Variants in CUBN observed in about 807,000 individuals in gnomAD.
CUBN encodes the protein cubilin.
In CUBN, 282 loss-of-function variants were observed where a neutral mutation model predicts 405.3. That is an observed-to-expected ratio of 0.70 (90% CI 0.63 to 0.77). CUBN has a LOEUF of 0.77. Ranked by LOEUF, CUBN falls within the 30% of genes least tolerant of loss-of-function variation. The pLI is 0.00. For missense variants in CUBN, 4,514 were observed against 4,475.2 expected (o/e 1.01, Z -0.25); for synonymous variants, 1,684 against 1,617.0 (o/e 1.04, Z -0.99).
At chr10:17,027,676 C>T (rs923069568) in intron 27 of CUBN, among the ~76,000 whole-genome samples, 6 of 152,160 alleles carry the variant, frequency 3.9e-5, no homozygotes, top group South Asian at 2.1e-4. Flanking sequence ...CCCTTTTAGA[C>T]TGTCAAATAA....
chr10:16,948,956 G>A (rs1345419049), intron 34 of CUBN, among the ~76,000 whole-genome samples: 1 of 152,144 alleles, frequency 6.6e-6, no homozygotes, highest in Non-Finnish European at 1.5e-5. Context: ...TTGTAGCACA[G>A]AAAAGTGTGG....
At chr10:16,909,435 T>C (rs1257265246) in intron 48 of CUBN, among the ~76,000 whole-genome samples, 1 of 152,174 alleles carries the variant, frequency 6.6e-6, no homozygotes. Flanking sequence ...GATGATGTAA[T>C]AATAGAACTG....
chr10:16,840,425 G>A lies in CUBN; in HGVS notation c.9937C>T (p.Pro3313Ser). The A allele has an allele frequency of 6.2e-7, 1 of 1,614,108 alleles. No individual in the cohort carries two copies. ...FSICTWVIDS[P>S]PHQQVKITVW... ...GTTATCTTGACCTGCTGATGCGGAGGGGAATCAATGACCCAAGTACAGATG... is the reference window on the plus strand; with the variant it reads ...GTTATCTTGACCTGCTGATGCGGAGAGGAATCAATGACCCAAGTACAGATG... The change falls in exon 62 of 67, where the codon CCT (proline) becomes TCT (serine). Residue 3313 changes from proline to serine, a missense_variant. Physicochemically the swap from Pro to Ser is moderately conservative, Grantham distance 74. This residue lies in a region of CUBN where 1,186 missense variants were observed against 1,186.9 expected (regional missense o/e 1.00). Transcript: ENST00000377833.
chr10:17,064,519 G>C (rs558409212), intron 22 of CUBN, among the ~76,000 whole-genome samples: 2 of 152,162 alleles, frequency 1.3e-5, no homozygotes, highest in African/African-American at 4.8e-5. Context: ...TGCTGCTGGG[G>C]TAATCCCAAA....
chr10:16,875,494 C>T lies in CUBN; in HGVS notation c.9107-991G>A, dbSNP rs565402370. ...AACAAATTGAGGCTGCCATGTCAGG[C>T]TCTTTATTTCTTTACTGTTTTTGCC... is the stretch of plus-strand genomic sequence containing the variant. On this transcript the variant is annotated intron_variant, in intron 57 of 66. Coordinates refer to ENST00000377833, the MANE Select transcript of CUBN (RefSeq NM_001081.4). Among the ~76,000 whole-genome samples, 16 of 152,274 alleles carry T rather than the reference C, an allele frequency of 1.1e-4. No homozygotes were observed. In the South Asian group the frequency reaches 2.7e-3, roughly 26 times the overall value.
chr10:16,997,131 A>G (rs1336359510), intron 28 of CUBN, among the ~76,000 whole-genome samples: 1 of 152,178 alleles, frequency 6.6e-6, no homozygotes, highest in African/African-American at 2.4e-5. Flanking sequence ...GTTTGCCTTC[A>G]TTGTGTAAAA....
At chr10:17,121,492 A>G (rs1464918183) in intron 6 of CUBN, among the ~76,000 whole-genome samples, 1 of 142,130 alleles carries the variant, frequency 7.0e-6, no homozygotes. Context: ...TGGGAACTGA[A>G]CAATGAGAAC....
At chr10:17,023,098 T>C (rs1488615582) in intron 27 of CUBN, among the ~76,000 whole-genome samples, 2 of 149,250 alleles carry the variant, frequency 1.3e-5, no homozygotes, top group African/African-American at 5.1e-5. Context: ...TAAAGAGATT[T>C]CTTTTTTTTC....
intron 29 of CUBN, among the ~76,000 whole-genome samples, chr10:16,989,590 T>TAC (rs1554806193): frequency 0.38 from 56,128 of 147,128 alleles, 11,105 homozygotes; most frequent in African/African-American, 0.42. Flanking sequence ...TATATATATA[T>TAC]ACACACACAC....
intron 42 of CUBN, 57 bp from the exon 43 acceptor site, chr10:16,925,481 G>C (rs375668397): frequency 3.6e-5 from 58 of 1,602,066 alleles, no homozygotes; most frequent in Admixed American, 5.0e-5. Context: ...GAAGGAGTAC[G>C]CAATTCTTAT....
At chr10:17,017,480 C>G (rs1275167791) in intron 28 of CUBN, among the ~76,000 whole-genome samples, 1 of 152,086 alleles carries the variant, frequency 6.6e-6, no homozygotes, top group East Asian at 1.9e-4. Context: ...AGGTGTTATG[C>G]CCCAAAAATG....
chr10:17,097,691 G>C (rs1363097298), intron 14 of CUBN, among the ~76,000 whole-genome samples: 1 of 152,062 alleles, frequency 6.6e-6, no homozygotes, highest in African/African-American at 2.4e-5. Flanking sequence ...GAAAATATTT[G>C]ATGAATGCAA....
At chr10:17,087,256 T>C (rs1836130794) in intron 15 of CUBN, among the ~76,000 whole-genome samples, 1 of 152,146 alleles carries the variant, frequency 6.6e-6, no homozygotes, top group African/African-American at 2.4e-5. Flanking sequence ...TTCTCCATTA[T>C]CTTGTCAGTC....
At chr10:16,955,702 C>T (rs910266412) in intron 31 of CUBN, among the ~76,000 whole-genome samples, 5 of 152,168 alleles carry the variant, frequency 3.3e-5, no homozygotes, top group African/African-American at 1.2e-4. Context: ...GGATTCAGCC[C>T]TTCACGTACA....
At chr10:17,126,595 A>G (rs1309953626) in intron 4 of CUBN, among the ~76,000 whole-genome samples, 166 bp downstream of exon 4, 1 of 152,222 alleles carries the variant, frequency 6.6e-6, no homozygotes, top group African/African-American at 2.4e-5. Context: ...TCAGCTCTGC[A>G]TCTGCATCCT....
intron 29 of CUBN, among the ~76,000 whole-genome samples, chr10:16,985,465 A>G (rs944021438): frequency 6.6e-6 from 1 of 152,082 alleles, no homozygotes; most frequent in Admixed American, 6.5e-5. Flanking sequence ...AAATCCCCAC[A>G]TTCACCATCC....
At chr10:17,001,369 C>T (rs941282515) in intron 28 of CUBN, among the ~76,000 whole-genome samples, 1 of 152,190 alleles carries the variant, frequency 6.6e-6, no homozygotes, top group African/African-American at 2.4e-5. Flanking sequence ...GCTGATTGGT[C>T]CATTTTACAG....
intron 45 of CUBN, among the ~76,000 whole-genome samples, chr10:16,917,635 G>A (rs1841919674): frequency 6.6e-6 from 1 of 152,012 alleles, no homozygotes; most frequent in Non-Finnish European, 1.5e-5. Context: ...ACAGGAGTTT[G>A]ATTTAACCAC....
intron 17 of CUBN, among the ~76,000 whole-genome samples, chr10:17,083,741 T>G (rs1010429596): frequency 2.0e-5 from 3 of 152,134 alleles, no homozygotes; most frequent in African/African-American, 7.2e-5. Flanking sequence ...AAAATGATTA[T>G]GCCCAAAAAA....
Sources: allele counts gnomAD v4.1 joint callset (sites outside exome capture counted in the v4.1 genomes callset), GRCh38; gene constraint gnomAD v4.1.1; regional missense constraint gnomAD v4.1.1; transcripts MANE v1.5; gene names NCBI Gene and HGNC (gene_info 2026-07-23, HGNC 2026-07-21).